COX5B: variants seen among roughly 807,000 people sequenced by gnomAD.
COX5B encodes cytochrome c oxidase subunit 5B, mitochondrial.
In COX5B, 8 loss-of-function variants were observed where a neutral mutation model predicts 16.2. The observed-to-expected ratio is 0.49, with a 90% CI of 0.29 to 0.89. The LOEUF is 0.89. COX5B is among the 40% of genes least tolerant of loss of function. COX5B has a pLI of 0.08. For missense variants in COX5B, 161 were observed against 168.7 expected (o/e 0.95, Z 0.25); for synonymous variants, 65 against 67.6 (o/e 0.96, Z 0.19).
Position 97,646,115 on chromosome 2 carries a change from G to C in COX5B, c.29G>C (p.Gly10Ala), listed in dbSNP as rs753672296. MASRLLRGA[G>A]TLAAQALRAR... Reference sequence around the variant, plus strand: ...GCTTCAAGGTTACTTCGCGGAGCTGGAACGCTGGCCGCGCAGGCCCTGAGG... The same window carrying C: ...GCTTCAAGGTTACTTCGCGGAGCTGCAACGCTGGCCGCGCAGGCCCTGAGG... Residue 10 changes from glycine to alanine, a missense_variant, in exon 1 of 4, where the codon GGA becomes GCA. Coordinates refer to ENST00000258424, the MANE Select transcript of COX5B (RefSeq NM_001862.3). 5.8e-6 allele frequency: 9 copies of C among 1,557,104 alleles called. No homozygotes were observed. The African/African-American group carries it at 1.1e-4, about 19-fold the overall frequency.
At position 97,648,053 on chromosome 2, in the gene COX5B, G is replaced by T; in HGVS notation, c.335G>T (p.Arg112Leu). The T allele has an allele frequency of 6.2e-7, 1 of 1,613,578 alleles. No homozygotes were observed. The highest frequency in any genetic ancestry group is 8.5e-7 in the Non-Finnish European group (1 of 1,179,818). ...WFWLHKGEAQ[R>L]CPRCGAHYKL... Reference sequence around the variant, plus strand: ...TGGCTGCACAAAGGCGAGGCCCAGCGATGCCCCCGCTGTGGAGCCCATTAC... The same window carrying T: ...TGGCTGCACAAAGGCGAGGCCCAGCTATGCCCCCGCTGTGGAGCCCATTAC... The change falls in exon 4 of 4, where the codon CGA becomes CTA. Residue 112 changes from arginine (R) to leucine (L), a missense_variant. Arg to Leu is a moderately radical substitution (Grantham distance 102). Transcript: ENST00000258424.
At chr2:97,646,997 A>G in intron 1 of COX5B, 70 bp from the exon 2 acceptor site, 1 of 1,526,252 alleles carries the variant, frequency 6.6e-7, no homozygotes, top group Non-Finnish European at 9.1e-7. Flanking sequence ...ATTTTCCTTG[A>G]TCATTTCTGT....
intron 2 of COX5B, 64 bp downstream of exon 2, chr2:97,647,204 T>A: frequency 6.4e-7 from 1 of 1,567,536 alleles, no homozygotes; most frequent in South Asian, 1.1e-5. Flanking sequence ...TTCATAGTGG[T>A]CTCCTCTCTG....
At chr2:97,646,899 A>G (rs887160975) in intron 1 of COX5B, 168 bp from the exon 2 acceptor site, 4 of 601,296 alleles carry the variant, frequency 6.7e-6, no homozygotes, top group South Asian at 3.7e-5. Context: ...GTGGATGGGT[A>G]CTTGGTGGTT....
chr2:97,646,161 G>A lies in COX5B; in HGVS notation c.75G>A (p.Ala25=). ...QALRARGPSG[A]AAMRSMASGG... is the part of the protein sequence containing the mutation. ...TGAGGGCTCGCGGCCCCAGTGGCGC[G>A]GCCGCGATGCGCTCCATGGCATCTG... Residue 25 remains alanine (A), a synonymous_variant, in exon 1 of 4, where the codon GCG becomes GCA. Coordinates refer to ENST00000258424, the MANE Select transcript of COX5B (RefSeq NM_001862.3). 1.9e-6 allele frequency: 3 copies of A among 1,551,546 alleles called. No homozygotes were observed. The highest frequency in any genetic ancestry group is 2.6e-6 in the Non-Finnish European group (3 of 1,147,128).
At chr2:97,646,422 G>T in intron 1 of COX5B, 1 of 516,534 alleles carries the variant, frequency 1.9e-6, no homozygotes, top group Non-Finnish European at 3.4e-6. Context: ...GGGTGACCTT[G>T]GGAGGGACCG....
rs756664058 is a variant in COX5B at position 97,647,459 on chromosome 2, CTA to C, written c.277+18_277+19del. On this transcript the variant is annotated intron_variant, in intron 3 of 3. Transcript: ENST00000258424. ...GGCTGCATCTGTAAGTACCTCACCT[CTA>C]TTTTTTATCCACTTGCTTAATATAT... The C allele has an allele frequency of 7.5e-6, 12 of 1,591,922 alleles. No individual in the cohort carries two copies. Among genetic ancestry groups the C allele is most frequent in the Middle Eastern group, 1.7e-4 (1 of 6,020 alleles).
chr2:97,647,900 T>C, intron 3 of COX5B, 96 bp from the exon 4 acceptor site: 1 of 1,016,836 alleles, frequency 9.8e-7, no homozygotes, highest in Middle Eastern at 2.0e-4. Context: ...ACCATAGTCT[T>C]ACTTGTGTAT....
intron 1 of COX5B, chr2:97,646,455 G>T: frequency 2.1e-6 from 1 of 466,280 alleles, no homozygotes; most frequent in Non-Finnish European, 3.8e-6. Context: ...GGATGGGGAG[G>T]GGTCCGGCCT....
chr2:97,647,247 G>A lies in COX5B; in HGVS notation c.178-97G>A, dbSNP rs145353159. 3.8e-3 allele frequency: 5,711 copies of A among 1,520,938 alleles called. 12 individuals carry two copies. The highest frequency in any genetic ancestry group is 4.7e-3 in the Admixed American group (276 of 59,036). 94.2% of individuals were successfully genotyped at this position (1,520,938 alleles called of 1,614,324 possible). On this transcript the variant is annotated intron_variant, in intron 2 of 3. Transcript: ENST00000258424. ...TTGATACAGGAAACTTGGCTTGTAG[G>A]AACAGTCCCCTGAGCTTCTGGAAGG...
rs750934802 is a variant in COX5B at position 97,648,094 on chromosome 2, C to T, written c.376C>T (p.Gln126Ter). Residue 126 changes from glutamine to a stop codon, truncating the protein, a stop_gained, in exon 4 of 4, where the codon CAG (glutamine) becomes TAG (stop). Transcript: ENST00000258424. LOFTEE classifies it high-confidence loss of function. ...AGCCCATTACAAGCTGGTGCCCCAG[C>T]AGCTGGCACACTGAGCACCTGCACT... ...CGAHYKLVPQ[Q>*]LAH 3.1e-6 allele frequency: 5 copies of T among 1,605,152 alleles called. No homozygotes were observed. In the South Asian group the frequency reaches 5.6e-5, roughly 18 times the overall value.
chr2:97,646,245 C>T (rs1674652193), intron 1 of COX5B, 56 bp downstream of exon 1: 2 of 1,270,902 alleles, frequency 1.6e-6, no homozygotes, highest in Non-Finnish European at 2.1e-6. Flanking sequence ...CAGGGTGGTC[C>T]CAGGGCGGCA....
At chr2:97,647,012 A>G in intron 1 of COX5B, 55 bp from the exon 2 acceptor site, 9 of 1,562,460 alleles carry the variant, frequency 5.8e-6, no homozygotes, top group South Asian at 3.3e-5. Context: ...TTCTGTTTGT[A>G]GTTTTTCTAT....
In COX5B at chr2:97,648,068, G is replaced by A. The variant is rs1337852306; in HGVS notation, c.350G>A (p.Gly117Glu). Reference sequence around the variant, plus strand: ...GAGGCCCAGCGATGCCCCCGCTGTGGAGCCCATTACAAGCTGGTGCCCCAG... The same window carrying A: ...GAGGCCCAGCGATGCCCCCGCTGTGAAGCCCATTACAAGCTGGTGCCCCAG... The part of the protein sequence containing the change: ...KGEAQRCPRC[G>E]AHYKLVPQQL... The change falls in exon 4 of 4, where the codon GGA becomes GAA. Residue 117 changes from glycine (G) to glutamate (E), a missense_variant. By Grantham distance (98) the Gly-to-Glu change is moderately conservative. Transcript: ENST00000258424. 1 of 1,612,650 alleles carries A rather than the reference G, an allele frequency of 6.2e-7. No individual in the cohort carries two copies. The highest frequency in any genetic ancestry group is 8.5e-7 in the Non-Finnish European group (1 of 1,179,456).
Position 97,647,446 on chromosome 2 carries a change from A to G in COX5B, c.277+3A>G, listed in dbSNP as rs779810128. ...CAAGAGAATAGTAGGCTGCATCTGTAAGTACCTCACCTCTATTTTTTATCC... is the reference window on the plus strand; with the variant it reads ...CAAGAGAATAGTAGGCTGCATCTGTGAGTACCTCACCTCTATTTTTTATCC... On this transcript the variant is annotated splice_donor_region_variant and intron_variant, in intron 3 of 3. Coordinates refer to ENST00000258424, the MANE Select transcript of COX5B (RefSeq NM_001862.3). 1.9e-6 allele frequency: 3 copies of G among 1,608,596 alleles called. No individual in the cohort carries two copies. In the Admixed American group the frequency reaches 5.0e-5, roughly 27 times the overall value.
intron 2 of COX5B, 79 bp from the exon 3 acceptor site, chr2:97,647,265 C>G: frequency 6.5e-7 from 1 of 1,531,706 alleles, no homozygotes; most frequent in Non-Finnish European, 9.0e-7. Flanking sequence ...CCCTGAGCTT[C>G]TGGAAGGTAG....
intron 3 of COX5B, 34 bp downstream of exon 3, chr2:97,647,477 C>T (rs1385206449): frequency 6.5e-7 from 1 of 1,528,724 alleles, no homozygotes; most frequent in South Asian, 1.1e-5. Context: ...TATCCACTTG[C>T]TTAATATATC....
chr2:97,648,155 C>T lies in COX5B; in HGVS notation c.*47C>T, dbSNP rs746961641. The T allele has an allele frequency of 1.4e-6, 2 of 1,462,880 alleles. No individual in the cohort carries two copies. Among genetic ancestry groups the T allele is most frequent in the Admixed American group, 2.3e-5 (1 of 43,138 alleles). 90.6% of individuals were successfully genotyped at this position (1,462,880 alleles called of 1,614,324 possible). On this transcript the variant is annotated 3_prime_UTR_variant, in exon 4 of 4. Transcript: ENST00000258424. ...AAATGTGCTGTAAAGTTTCTTCTTT[C>T]CAGTAAAGACTAGCCATTGCATTGG...
intron 1 of COX5B, 81 bp downstream of exon 1, chr2:97,646,270 G>A: frequency 2.1e-6 from 2 of 943,016 alleles, no homozygotes; most frequent in Non-Finnish European, 3.1e-6. Context: ...GGCGCGGCTC[G>A]TGCAGCTTCT....
Sources: gnomAD v4.1 joint callset for allele counts on GRCh38, gnomAD v4.1.1 for gene constraint, MANE v1.5 for transcripts, NCBI Gene and HGNC (gene_info 2026-07-23, HGNC 2026-07-21) for gene names.